DSCAML1: variants seen among roughly 807,000 people sequenced by gnomAD.
DSCAML1 encodes cell adhesion molecule DSCAML1.
Under a neutral mutation model 200.5 loss-of-function variants are expected in DSCAML1, and 38 were observed. That is an observed-to-expected ratio of 0.19 (90% CI 0.15 to 0.25). The LOEUF is 0.25. DSCAML1 is among the 10% of genes least tolerant of loss of function. The probability of loss-of-function intolerance (pLI) is 1.00; values close to 1 mark genes in which losing one functional copy is unlikely to be tolerated. For missense variants in DSCAML1, 2,223 were observed against 2,858.8 expected (o/e 0.78, Z 5.07); for synonymous variants, 1,215 against 1,165.0 (o/e 1.04, Z -0.87).
intron 3 of DSCAML1, among the ~76,000 whole-genome samples, chr11:117,626,800 C>T (rs1369564397): frequency 2.0e-5 from 3 of 152,204 alleles, no homozygotes; most frequent in African/African-American, 7.2e-5. Flanking sequence ...GACATTGTGA[C>T]CACCTGGGAC....
intron 3 of DSCAML1, among the ~76,000 whole-genome samples, chr11:117,675,198 C>T (rs1457947450): frequency 1.3e-5 from 2 of 152,238 alleles, no homozygotes; most frequent in Non-Finnish European, 2.9e-5. Flanking sequence ...TATAATTCTA[C>T]TCAGGGATAG....
At chr11:117,630,292 C>T (rs1398413368) in intron 3 of DSCAML1, among the ~76,000 whole-genome samples, 1 of 152,166 alleles carries the variant, frequency 6.6e-6, no homozygotes, top group South Asian at 2.1e-4. Flanking sequence ...GACTGCACTG[C>T]CTGAACAGGC....
chr11:117,560,137 G>A lies in DSCAML1; in HGVS notation c.512-27615C>T, dbSNP rs368012317. 1.1e-4 allele frequency among the ~76,000 whole-genome samples: 16 copies of A among 152,266 alleles called. No homozygotes were observed. The East Asian group carries it at 3.1e-3, about 29-fold the overall frequency. Reference sequence around the variant, plus strand: ...GGGCCACTTTGACCAGGGACACAGTGAAGAATTTAAGGGCTGGAAAGGTCT... The same window carrying A: ...GGGCCACTTTGACCAGGGACACAGTAAAGAATTTAAGGGCTGGAAAGGTCT... On this transcript the variant is annotated intron_variant, in intron 3 of 32. Coordinates refer to ENST00000651296, the MANE Select transcript of DSCAML1 (RefSeq NM_020693.4).
intron 3 of DSCAML1, among the ~76,000 whole-genome samples, chr11:117,659,971 G>A (rs560135037): frequency 7.2e-5 from 11 of 152,058 alleles, no homozygotes; most frequent in South Asian, 2.1e-4. Context: ...TGATTGGCCC[G>A]CCTTAGCCTC....
chr11:117,631,880 A>C (rs1207236110), intron 3 of DSCAML1, among the ~76,000 whole-genome samples: 1 of 152,204 alleles, frequency 6.6e-6, no homozygotes, highest in Non-Finnish European at 1.5e-5. Context: ...TAAGGAGAGA[A>C]GGTCTATAGA....
chr11:117,452,634 A>T (rs2048303140), intron 19 of DSCAML1, among the ~76,000 whole-genome samples: 1 of 152,180 alleles, frequency 6.6e-6, no homozygotes. Flanking sequence ...TAAATATACC[A>T]TCTTATTAAA....
At chr11:117,492,261 G>A (rs568697426) in intron 11 of DSCAML1, among the ~76,000 whole-genome samples, 2 of 152,260 alleles carry the variant, frequency 1.3e-5, no homozygotes, top group African/African-American at 4.8e-5. Flanking sequence ...GCAAACTTAG[G>A]GTGTCCTTCA....
chr11:117,520,479 T>C (rs1205215443), intron 6 of DSCAML1, among the ~76,000 whole-genome samples: 1 of 152,110 alleles, frequency 6.6e-6, no homozygotes. Context: ...ACTGAAATTC[T>C]AGTAATTTCC....
upstream of DSCAML1, among the ~76,000 whole-genome samples, chr11:117,800,284 G>A (rs562293004): frequency 2.6e-5 from 4 of 152,196 alleles, no homozygotes; most frequent in Non-Finnish European, 5.9e-5. Flanking sequence ...GAGTCAGGCG[G>A]CGTGTTCTAC....
intron 3 of DSCAML1, among the ~76,000 whole-genome samples, chr11:117,553,127 G>A (rs2050498263): frequency 6.6e-6 from 1 of 152,174 alleles, no homozygotes; most frequent in Non-Finnish European, 1.5e-5. Context: ...AGAAAGGACA[G>A]ACATTCACAA....
intron 3 of DSCAML1, among the ~76,000 whole-genome samples, chr11:117,594,482 A>G (rs180822605): frequency 3.9e-5 from 6 of 152,188 alleles, no homozygotes; most frequent in Admixed American, 3.9e-4. Flanking sequence ...ATGCACGCAC[A>G]CCTGTGTGAG....
chr11:117,732,471 G>C (rs1328986008), intron 3 of DSCAML1, among the ~76,000 whole-genome samples: 1 of 152,154 alleles, frequency 6.6e-6, no homozygotes, highest in South Asian at 2.1e-4. Context: ...TGGGGGCCTG[G>C]CTGCCTCTAT....
At chr11:117,639,643 G>A (rs746006038) in intron 3 of DSCAML1, among the ~76,000 whole-genome samples, 90 of 152,312 alleles carry the variant, frequency 5.9e-4, no homozygotes, top group Non-Finnish European at 1.1e-3. Context: ...GAGGAACTGA[G>A]GGGAGGAGGG....
Position 117,551,943 on chromosome 11 carries a change from A to G in DSCAML1, c.512-19421T>C, listed in dbSNP as rs541450239. ...CAGAATGAGTGGGAGGGGACAAGAG[A>G]TCTCCGTGGCTAATCCTGTTAAGGA... On this transcript the variant is annotated intron_variant, in intron 3 of 32. Coordinates refer to ENST00000651296, the MANE Select transcript of DSCAML1 (RefSeq NM_020693.4). 4.6e-5 allele frequency among the ~76,000 whole-genome samples: 7 copies of G among 151,194 alleles called. No individual in the cohort carries two copies. The South Asian group carries it at 1.0e-3, about 23-fold the overall frequency.
chr11:117,475,297 C>G (rs2048768470), intron 14 of DSCAML1, among the ~76,000 whole-genome samples: 1 of 152,184 alleles, frequency 6.6e-6, no homozygotes, highest in East Asian at 1.9e-4. Context: ...GTAGTCTTCT[C>G]AAAACACAAA....
chr11:117,606,058 G>A (rs1236932053), intron 3 of DSCAML1, among the ~76,000 whole-genome samples: 1 of 152,102 alleles, frequency 6.6e-6, no homozygotes, highest in Non-Finnish European at 1.5e-5. Flanking sequence ...CATGGAGCAG[G>A]GGGCTGAGCT....
chr11:117,778,181 A>G (rs545839643), intron 2 of DSCAML1, among the ~76,000 whole-genome samples: 1 of 152,248 alleles, frequency 6.6e-6, no homozygotes, highest in South Asian at 2.1e-4. Context: ...GGCTGTGATG[A>G]GGAGAAGATG....
chr11:117,730,129 G>A (rs1185440593), intron 3 of DSCAML1, among the ~76,000 whole-genome samples: 2 of 152,142 alleles, frequency 1.3e-5, no homozygotes, highest in Non-Finnish European at 2.9e-5. Flanking sequence ...AACCCAGGAG[G>A]CAGAGGTTGC....
At chr11:117,682,119 G>A (rs764052552) in intron 3 of DSCAML1, among the ~76,000 whole-genome samples, 8 of 152,264 alleles carry the variant, frequency 5.3e-5, no homozygotes, top group East Asian at 3.9e-4. Flanking sequence ...GGGTGCCAGC[G>A]GTCCTCCTCA....
Sources: gnomAD v4.1 joint callset for allele counts (sites outside exome capture counted in the v4.1 genomes callset) on GRCh38, gnomAD v4.1.1 for gene constraint, MANE v1.5 for transcripts, NCBI Gene and HGNC (gene_info 2026-07-23, HGNC 2026-07-21) for gene names.